Variants in POU3F3 observed in about 807,000 individuals in gnomAD.
POU3F3 encodes the protein POU class 3 homeobox 3.
POU3F3 carries 1 observed loss-of-function variant against 8.6 expected under a neutral mutation model. That is an observed-to-expected ratio of 0.12 (90% CI 0.04 to 0.55). POU3F3 has a LOEUF of 0.55. Ranked by LOEUF, POU3F3 falls within the 20% of genes least tolerant of loss-of-function variation. The pLI is 0.91. For missense variants in POU3F3, 577 were observed against 690.7 expected, an observed-to-expected ratio of 0.84 and a Z score of 1.84; for synonymous variants, 418 against 327.4, an observed-to-expected ratio of 1.28 and a Z score of -2.99.
At chr2:104,895,658 A>G in the POU3F3 span, among the ~76,000 whole-genome samples, 3 of 152,226 alleles carry the variant, frequency 2.0e-5, no homozygotes, top group African/African-American at 7.2e-5. Flanking sequence ...CAAATGAGAA[A>G]TAATTCTGCA....
the POU3F3 span, among the ~76,000 whole-genome samples, chr2:104,911,270 C>G: frequency 1.3e-5 from 2 of 151,766 alleles, no homozygotes; most frequent in Admixed American, 6.6e-5. Flanking sequence ...AAAAAATAGC[C>G]AGGTGTGGTG....
At chr2:104,880,184 C>A in the POU3F3 span, among the ~76,000 whole-genome samples, 3 of 152,112 alleles carry the variant, frequency 2.0e-5, no homozygotes, top group East Asian at 5.8e-4. Flanking sequence ...CTCTCCCCAC[C>A]CGCCTCCGCC....
the POU3F3 span, among the ~76,000 whole-genome samples, chr2:104,925,231 A>C: frequency 2.6e-5 from 4 of 152,312 alleles, no homozygotes; most frequent in African/African-American, 7.2e-5. Flanking sequence ...ATTGTTGGCT[A>C]TCATTTGTGC....
chr2:104,862,416 G>A (rs1365122078), downstream of POU3F3, among the ~76,000 whole-genome samples: 2 of 152,224 alleles, frequency 1.3e-5, no homozygotes, highest in African/African-American at 2.4e-5. Flanking sequence ...TCTGGACCCC[G>A]AAGCCCTAGG....
At chr2:104,874,614 G>A in the POU3F3 span, among the ~76,000 whole-genome samples, 37 of 152,224 alleles carry the variant, frequency 2.4e-4, 1 homozygote, top group Middle Eastern at 0.041. Context: ...TCAAGCAAAG[G>A]GTGAGGCATC....
the POU3F3 span, among the ~76,000 whole-genome samples, chr2:104,918,522 G>A: frequency 5.3e-5 from 8 of 152,296 alleles, no homozygotes; most frequent in African/African-American, 1.9e-4. Flanking sequence ...CTTATAACAT[G>A]AGGACACCTG....
chr2:104,881,294 A>T, the POU3F3 span, among the ~76,000 whole-genome samples: 2 of 151,964 alleles, frequency 1.3e-5, no homozygotes, highest in African/African-American at 4.8e-5. Context: ...AGTGACTGGG[A>T]CCTCAGGTGT....
At chr2:104,874,893 A>G in the POU3F3 span, among the ~76,000 whole-genome samples, 210 of 152,338 alleles carry the variant, frequency 1.4e-3, no homozygotes, top group African/African-American at 4.8e-3. Context: ...CATTAAGTAC[A>G]TTTACATTGT....
At chr2:104,860,343 G>T (rs143429895), downstream of POU3F3, among the ~76,000 whole-genome samples, 640 of 152,170 alleles carry the variant, frequency 4.2e-3, 1 homozygote, top group African/African-American at 9.7e-3. Context: ...GAAATTCATG[G>T]TTGAAAAACA....
chr2:104,906,620 C>T, the POU3F3 span, among the ~76,000 whole-genome samples: 4 of 152,308 alleles, frequency 2.6e-5, no homozygotes, highest in Admixed American at 6.5e-5. Flanking sequence ...TTCAACCTGT[C>T]GATATCTGCC....
the POU3F3 span, among the ~76,000 whole-genome samples, chr2:104,901,891 A>T: frequency 6.6e-6 from 1 of 152,218 alleles, no homozygotes; most frequent in Non-Finnish European, 1.5e-5. Flanking sequence ...TCACATTAAG[A>T]ATTTATTAGC....
At position 104,854,290 on chromosome 2, in the gene POU3F3, G is replaced by T. The variant is rs985433353; in HGVS notation, c.-1221G>T. Among the ~76,000 whole-genome samples the T allele has an allele frequency of 1.3e-5, 2 of 152,160 alleles. No individual in the cohort carries two copies. The highest frequency in any genetic ancestry group is 2.9e-5 in the Non-Finnish European group (2 of 68,032). ...TCCTGCTGCAACTCTGCTCCAGCAC[G>T]GCCAGCGCCAGCGCCCGCCGTCGGT... On this transcript the variant is annotated 5_prime_UTR_variant, in exon 1 of 1. Coordinates refer to ENST00000361360, the MANE Select transcript of POU3F3 (RefSeq NM_006236.3). This position sits in a 1 kb window ranked among gnomAD's most constrained non-coding sequence, Gnocchi z 4.5.
chr2:104,904,606 A>T, the POU3F3 span, among the ~76,000 whole-genome samples: 20 of 152,136 alleles, frequency 1.3e-4, no homozygotes, highest in African/African-American at 4.6e-4. Context: ...TGTAAGGAAC[A>T]TTTATAGTGT....
chr2:104,879,535 C>G, the POU3F3 span, among the ~76,000 whole-genome samples: 1 of 152,012 alleles, frequency 6.6e-6, no homozygotes, highest in African/African-American at 2.4e-5. Context: ...GAGAAACCAC[C>G]AGAAGTAAGT....
the POU3F3 span, chr2:104,866,416 G>A: frequency 1.3e-5 from 2 of 152,226 alleles, no homozygotes; most frequent in Non-Finnish European, 2.9e-5. Context: ...GACCAAAAGA[G>A]AGATCAGTTA....
chr2:104,875,287 G>C, the POU3F3 span, among the ~76,000 whole-genome samples: 1 of 152,240 alleles, frequency 6.6e-6, no homozygotes, highest in African/African-American at 2.4e-5. Context: ...GAATGATGCT[G>C]CTGTGAATAT....
At chr2:104,912,459 C>G in the POU3F3 span, among the ~76,000 whole-genome samples, 18 of 147,212 alleles carry the variant, frequency 1.2e-4, no homozygotes, top group East Asian at 2.0e-4. Context: ...GTGTGGGGGG[C>G]CCCCACAGGA....
the POU3F3 span, among the ~76,000 whole-genome samples, chr2:104,879,498 A>G: frequency 6.6e-6 from 1 of 152,148 alleles, no homozygotes. Flanking sequence ...CTTTGAAAAA[A>G]AAAATTACCT....
At chr2:104,874,553 G>A in the POU3F3 span, among the ~76,000 whole-genome samples, 3 of 152,156 alleles carry the variant, frequency 2.0e-5, no homozygotes, top group Non-Finnish European at 1.5e-5. Flanking sequence ...TGACCCCACA[G>A]CTGCCATTGG....
Sources: allele counts gnomAD v4.1 joint callset (sites outside exome capture counted in the v4.1 genomes callset), GRCh38; gene constraint gnomAD v4.1.1; non-coding constraint Gnocchi (gnomAD v3.1); transcripts MANE v1.5; gene names NCBI Gene and HGNC (gene_info 2026-07-23, HGNC 2026-07-21).